CBFA2T3: variants seen among roughly 807,000 people sequenced by gnomAD.
CBFA2T3 encodes the protein transcriptional corepressor CBFA2T3.
CBFA2T3 carries 31 observed loss-of-function variants against 58.6 expected under a neutral mutation model. That is an observed-to-expected ratio of 0.53 (90% CI 0.40 to 0.71). The LOEUF is 0.71. Ranked by LOEUF, CBFA2T3 falls within the 30% of genes least tolerant of loss-of-function variation. The pLI, the probability that CBFA2T3 is intolerant of heterozygous loss-of-function variation, is 0.00. For missense variants in CBFA2T3, 1,076 were observed against 963.1 expected (o/e 1.12, Z -1.55); for synonymous variants, 531 against 421.9 (o/e 1.26, Z -3.17).
At position 88,881,492 on chromosome 16, in the gene CBFA2T3, G is replaced by A; in HGVS notation, c.1204-3C>T. ...ATGTCCATGATGCAGTTCAGGAGCT[G>A]GGGGCGGGCGGCGCAGCCTTCAGCA... On this transcript the variant is annotated splice_polypyrimidine_tract_variant and splice_region_variant and intron_variant, in intron 8 of 11. Coordinates refer to ENST00000268679, the MANE Select transcript of CBFA2T3 (RefSeq NM_005187.6). The A allele has an allele frequency of 6.3e-7, 1 of 1,598,400 alleles. No homozygotes were observed. The highest frequency in any genetic ancestry group is 8.5e-7 in the Non-Finnish European group (1 of 1,170,144).
At chr16:88,919,379 G>A (rs1295115953) in intron 1 of CBFA2T3, among the ~76,000 whole-genome samples, 1 of 152,204 alleles carries the variant, frequency 6.6e-6, no homozygotes, top group African/African-American at 2.4e-5. Context: ...TACCCTTTCT[G>A]CAGAAAGTAA....
chr16:88,948,689 C>A (rs1971969168), intron 1 of CBFA2T3, among the ~76,000 whole-genome samples: 1 of 152,242 alleles, frequency 6.6e-6, no homozygotes. Context: ...GTATTCATTT[C>A]TTTCTTCCTT....
chr16:88,961,997 TCCCATTCC>T, intron 1 of CBFA2T3, among the ~76,000 whole-genome samples: 1 of 149,814 alleles, frequency 6.7e-6, no homozygotes, highest in African/African-American at 2.5e-5. Flanking sequence ...CACTGGGCAT[TCCCATTCC>T]ATAGTAACCG....
chr16:88,944,699 A>G (rs1971858301), intron 1 of CBFA2T3, among the ~76,000 whole-genome samples: 1 of 152,248 alleles, frequency 6.6e-6, no homozygotes, highest in South Asian at 2.1e-4. Context: ...ATAAAGACGC[A>G]GTTTATAAAC....
intron 11 of CBFA2T3, 33 bp downstream of exon 11, chr16:88,879,237 G>C: frequency 6.4e-7 from 1 of 1,554,590 alleles, no homozygotes; most frequent in Non-Finnish European, 8.7e-7. Flanking sequence ...GCCGAGGCAG[G>C]GGATGGGTGT....
chr16:88,892,379 T>C lies in CBFA2T3; in HGVS notation c.486A>G (p.Thr162=), dbSNP rs761550467. 23 of 1,613,278 alleles carry C rather than the reference T, an allele frequency of 1.4e-5. No individual in the cohort carries two copies. In the East Asian group the frequency reaches 3.6e-4, roughly 25 times the overall value. ...CCCCGCAGGCTGGGGGCAGGTGCTG[T>C]GTGGACAAGGAGGCTGTGGACGAGG... ...PATSSTASLS[T]QHLPPACGAR... The change falls in exon 4 of 12, where the codon ACA becomes ACG. Residue 162 remains threonine (T), a synonymous_variant. Coordinates refer to ENST00000268679, the MANE Select transcript of CBFA2T3 (RefSeq NM_005187.6).
In CBFA2T3 at chr16:88,976,851, C is replaced by T. The variant is rs1163879808; in HGVS notation, c.-44G>A. 1.3e-6 allele frequency: 2 copies of T among 1,522,300 alleles called. No individual in the cohort carries two copies. The highest frequency in any genetic ancestry group is 1.7e-4 in the Middle Eastern group (1 of 5,874). The allele number at this position is 1,522,300 out of a possible 1,614,324, so 94.3% of individuals were successfully genotyped here. On this transcript the variant is annotated 5_prime_UTR_variant, in exon 1 of 12. Transcript: ENST00000268679. Reference sequence around the variant, plus strand: ...GGGCCAACCTGGAGCCCAGGACAGGCCTCTACCAGGACTGCCTTTCCCGAC... The same window carrying T: ...GGGCCAACCTGGAGCCCAGGACAGGTCTCTACCAGGACTGCCTTTCCCGAC...
intron 1 of CBFA2T3, chr16:88,951,578 C>T (rs958365689): frequency 4.7e-5 from 17 of 364,608 alleles, no homozygotes; most frequent in South Asian, 1.3e-4. Flanking sequence ...TCCCTCCCCT[C>T]GGGTCTGTGG....
intron 1 of CBFA2T3, chr16:88,957,679 A>T (rs939502720): frequency 6.6e-6 from 1 of 152,312 alleles, no homozygotes; most frequent in South Asian, 2.1e-4. Context: ...GTGCACACTT[A>T]TTCAGACATA....
At chr16:88,970,011 G>A (rs1396856643) in intron 1 of CBFA2T3, among the ~76,000 whole-genome samples, 1 of 152,236 alleles carries the variant, frequency 6.6e-6, no homozygotes, top group African/African-American at 2.4e-5. Context: ...AGCCACACTT[G>A]GGGCCCTCAC....
chr16:88,921,272 A>C (rs909179121), intron 1 of CBFA2T3, among the ~76,000 whole-genome samples: 2 of 152,242 alleles, frequency 1.3e-5, no homozygotes, highest in Non-Finnish European at 2.9e-5. Flanking sequence ...ATAAATGAAT[A>C]CCAATTAACT....
At chr16:88,925,127 T>A (rs116635103) in intron 1 of CBFA2T3, among the ~76,000 whole-genome samples, 1 of 152,196 alleles carries the variant, frequency 6.6e-6, no homozygotes, top group South Asian at 2.1e-4. Context: ...GACACCGAGC[T>A]CGCTGACCCT....
intron 1 of CBFA2T3, among the ~76,000 whole-genome samples, chr16:88,924,973 G>A (rs1322001177): frequency 3.3e-5 from 5 of 152,242 alleles, no homozygotes; most frequent in African/African-American, 9.6e-5. Context: ...GGACGGCCCT[G>A]AAGAAATTAC....
chr16:88,969,233 C>A (rs1201321552), intron 1 of CBFA2T3, among the ~76,000 whole-genome samples: 2 of 152,202 alleles, frequency 1.3e-5, no homozygotes, highest in African/African-American at 2.4e-5. Flanking sequence ...CACTCTGTCC[C>A]CCTCAGGTCT....
At chr16:88,910,120 C>G (rs976427589) in intron 1 of CBFA2T3, among the ~76,000 whole-genome samples, 3 of 152,250 alleles carry the variant, frequency 2.0e-5, no homozygotes, top group Non-Finnish European at 4.4e-5. Flanking sequence ...ACCCCACACC[C>G]GCCTGTGCTG....
chr16:88,952,526 G>T (rs796301775), intron 1 of CBFA2T3, among the ~76,000 whole-genome samples: 1 of 151,904 alleles, frequency 6.6e-6, no homozygotes, highest in Non-Finnish European at 1.5e-5. Flanking sequence ...AGACAAATGC[G>T]GCCCTGCCAC....
intron 1 of CBFA2T3, among the ~76,000 whole-genome samples, chr16:88,904,299 T>C (rs1388324569): frequency 1.3e-5 from 2 of 152,044 alleles, no homozygotes; most frequent in East Asian, 1.9e-4. Context: ...TCTGCAGATA[T>C]CGACGACTCA....
chr16:88,882,634 C>T (rs746916307), intron 8 of CBFA2T3, 42 bp downstream of exon 8: 1 of 1,317,922 alleles, frequency 7.6e-7, no homozygotes, highest in South Asian at 1.3e-5. Flanking sequence ...GGCTGTGCGC[C>T]TGGGCATGGC....
intron 1 of CBFA2T3, among the ~76,000 whole-genome samples, chr16:88,931,533 C>T (rs968108824): frequency 7.3e-5 from 11 of 150,764 alleles, no homozygotes; most frequent in African/African-American, 2.2e-4. Flanking sequence ...GGCCGTGGGC[C>T]GGCCCCGTGG....
Sources: allele counts gnomAD v4.1 joint callset (sites outside exome capture counted in the v4.1 genomes callset), GRCh38; gene constraint gnomAD v4.1.1; transcripts MANE v1.5; gene names NCBI Gene and HGNC (gene_info 2026-07-23, HGNC 2026-07-21).